The following ADAMTS16 variants were observed in gnomAD, a reference collection of about 807,000 sequenced individuals.
ADAMTS16 encodes the protein A disintegrin and metalloproteinase with thrombospondin motifs 16.
A neutral mutation model predicts 145.8 loss-of-function variants in ADAMTS16; 94 were observed. The observed-to-expected ratio is 0.64, with a 90% confidence interval of 0.55 to 0.77. The LOEUF is 0.77. Ranked by LOEUF, ADAMTS16 falls within the 30% of genes least tolerant of loss-of-function variation. The pLI is 0.00. For missense variants in ADAMTS16, 1,585 were observed against 1,591.5 expected (o/e 1.00, Z 0.07); for synonymous variants, 659 against 604.3 (o/e 1.09, Z -1.33).
chr5:5,265,906 G>A (rs929368401), intron 18 of ADAMTS16, among the ~76,000 whole-genome samples: 1 of 151,910 alleles, frequency 6.6e-6, no homozygotes, highest in South Asian at 2.1e-4. Context: ...GTTTCTTAAG[G>A]GAGAAGCATC....
chr5:5,186,324 G>GTGTA, intron 5 of ADAMTS16, 73 bp downstream of exon 5: 1 of 1,350,508 alleles, frequency 7.4e-7, no homozygotes, highest in Admixed American at 1.8e-5. Flanking sequence ...GTGTGTGTGT[G>GTGTA]TGTGTGTGTG....
intron 11 of ADAMTS16, chr5:5,223,098 T>C: frequency 1.8e-6 from 1 of 544,132 alleles, no homozygotes; most frequent in Non-Finnish European, 3.3e-6. Context: ...ATGAGCTACC[T>C]GGAATTCATA....
rs1268657319 is a variant in ADAMTS16, at chr5:5,319,349, C to G, written c.*211C>G. ...TCCCCATGCACACAGTGTCTCCTGT[C>G]AGGCTGAAATGTGGCACCCTGGCAG... On this transcript the variant is annotated 3_prime_UTR_variant, in exon 23 of 23. Transcript: ENST00000274181. 2 of 545,796 alleles carry G rather than the reference C, an allele frequency of 3.7e-6. No individual in the cohort carries two copies. Among genetic ancestry groups the G allele is most frequent in the East Asian group, 6.3e-5 (2 of 31,682 alleles). The allele number at this position is 545,796 out of a possible 1,614,324, so 33.8% of individuals were successfully genotyped here.
intron 10 of ADAMTS16, among the ~76,000 whole-genome samples, chr5:5,211,691 C>T (rs531468875): frequency 5.3e-5 from 8 of 152,072 alleles, no homozygotes; most frequent in Non-Finnish European, 1.0e-4. Flanking sequence ...ATATTTAGAG[C>T]TATTAATGTC....
intron 18 of ADAMTS16, among the ~76,000 whole-genome samples, chr5:5,272,397 T>C (rs1738515771): frequency 6.9e-6 from 1 of 145,908 alleles, no homozygotes; most frequent in South Asian, 2.2e-4. Flanking sequence ...AGTCTTGCTC[T>C]GTCACCCAGG....
At chr5:5,250,448 G>A (rs1737586165) in intron 17 of ADAMTS16, among the ~76,000 whole-genome samples, 1 of 152,182 alleles carries the variant, frequency 6.6e-6, no homozygotes, top group Admixed American at 6.5e-5. Flanking sequence ...CTGATCTCAT[G>A]TGTTTCCCAA....
chr5:5,177,076 C>A (rs1735217588), intron 3 of ADAMTS16, among the ~76,000 whole-genome samples: 2 of 152,218 alleles, frequency 1.3e-5, no homozygotes, highest in African/African-American at 4.8e-5. Context: ...CTCCTCTCCT[C>A]CTCATGCACA....
At chr5:5,234,982 T>C (rs781096015) in intron 12 of ADAMTS16, 32 bp from the exon 13 acceptor site, 3 of 1,495,866 alleles carry the variant, frequency 2.0e-6, no homozygotes, top group South Asian at 1.4e-5. Flanking sequence ...TACTAAAATA[T>C]AAAAATTCTA....
rs570739760 is a variant in ADAMTS16 at position 5,215,746 on chromosome 5, G to A, written c.1605+6500G>A. Among the ~76,000 whole-genome samples the A allele has an allele frequency of 7.6e-5, 11 of 144,656 alleles. No homozygotes were observed. In the East Asian group the frequency reaches 1.2e-3, roughly 16 times the overall value. 94.9% of individuals were successfully genotyped at this position (144,656 alleles called of 152,430 possible). On this transcript the variant is annotated intron_variant, in intron 10 of 22. Coordinates refer to ENST00000274181, the MANE Select transcript of ADAMTS16 (RefSeq NM_139056.4). The stretch of plus-strand genomic sequence containing the variant: ...ATATATATGTGGTATATATATATAT[G>A]TGGTGTATATATATGTATGTGGTAT...
chr5:5,291,900 T>C (rs1338338760), intron 18 of ADAMTS16, among the ~76,000 whole-genome samples: 1 of 152,224 alleles, frequency 6.6e-6, no homozygotes, highest in East Asian at 1.9e-4. Context: ...GGAAATAACA[T>C]AGCTCTGTAT....
In ADAMTS16 at chr5:5,239,838, G is replaced by A. The variant is rs2126386656; in HGVS notation, c.2436G>A (p.Ser812=). 5.0e-6 allele frequency: 8 copies of A among 1,613,906 alleles called. No individual in the cohort carries two copies. The highest frequency in any genetic ancestry group is 1.7e-4 in the Middle Eastern group (1 of 6,058). ...ACTGGCCCGGCCGGTACAAATTTTC[G>A]GGCACTACTTTCGACTACAGACGGT... ...TVDWPGRYKF[S]GTTFDYRRSY... is the part of the protein sequence containing the mutation. The change falls in exon 16 of 23, where the codon TCG becomes TCA. Residue 812 remains serine (S), a synonymous_variant. Coordinates refer to ENST00000274181, the MANE Select transcript of ADAMTS16 (RefSeq NM_139056.4).
chr5:5,193,162 TGCGCGC>T (rs1194988659), intron 8 of ADAMTS16, among the ~76,000 whole-genome samples: 76 of 107,060 alleles, frequency 7.1e-4, no homozygotes, highest in African/African-American at 2.1e-3. Flanking sequence ...TGTGTGTGTG[TGCGCGC>T]GCGCACATAT....
At chr5:5,155,145 A>G (rs1468661573) in intron 3 of ADAMTS16, among the ~76,000 whole-genome samples, 1 of 152,180 alleles carries the variant, frequency 6.6e-6, no homozygotes, top group African/African-American at 2.4e-5. Flanking sequence ...TAACATGGAT[A>G]TGACCTTTTT....
At position 5,264,640 on chromosome 5, in the gene ADAMTS16, G is replaced by A. The variant is rs1406847035; in HGVS notation, c.2789+1857G>A. On this transcript the variant is annotated intron_variant, in intron 18 of 22. Transcript: ENST00000274181. Reference sequence around the variant, plus strand: ...AGGACCCCTCTTGCAATCACAGTAAGGAGGACACCTCCTTGGGAAGATCTT... The same window carrying A: ...AGGACCCCTCTTGCAATCACAGTAAAGAGGACACCTCCTTGGGAAGATCTT... Among the ~76,000 whole-genome samples the A allele has an allele frequency of 6.6e-5, 10 of 152,194 alleles. No individual in the cohort carries two copies. In the East Asian group the frequency reaches 1.7e-3, roughly 26 times the overall value.
At chr5:5,238,384 T>C (rs897355023) in intron 14 of ADAMTS16, among the ~76,000 whole-genome samples, 4 of 152,212 alleles carry the variant, frequency 2.6e-5, no homozygotes, top group Non-Finnish European at 5.9e-5. Context: ...AAACATTAAT[T>C]AGTTAATTAT....
At chr5:5,166,505 GC>G (rs1734886608) in intron 3 of ADAMTS16, among the ~76,000 whole-genome samples, 1 of 152,204 alleles carries the variant, frequency 6.6e-6, no homozygotes, top group East Asian at 1.9e-4. Flanking sequence ...GCCAGGGGGT[GC>G]AGGCTCCTGG....
intron 3 of ADAMTS16, among the ~76,000 whole-genome samples, chr5:5,166,518 A>G (rs1579283382): frequency 6.6e-6 from 1 of 152,316 alleles, no homozygotes; most frequent in South Asian, 2.1e-4. Flanking sequence ...GGCTCCTGGG[A>G]AGGCTTCCTG....
At chr5:5,252,438 G>A (rs751911161) in intron 17 of ADAMTS16, among the ~76,000 whole-genome samples, 12 of 152,122 alleles carry the variant, frequency 7.9e-5, no homozygotes, top group Non-Finnish European at 1.6e-4. Context: ...TTGGGATAGG[G>A]AAAGGCCCAC....
intron 18 of ADAMTS16, among the ~76,000 whole-genome samples, chr5:5,290,774 G>A (rs902731551): frequency 2.6e-5 from 4 of 152,316 alleles, no homozygotes; most frequent in Middle Eastern, 3.4e-3. Flanking sequence ...TGTTTGAAAT[G>A]AAGGATTTGT....
Sources: allele counts gnomAD v4.1 joint callset (sites outside exome capture counted in the v4.1 genomes callset), GRCh38; gene constraint gnomAD v4.1.1; transcripts MANE v1.5; gene names NCBI Gene and HGNC (gene_info 2026-07-23, HGNC 2026-07-21).